FAM107B: variants seen among roughly 807,000 people sequenced by gnomAD.
FAM107B encodes family with sequence similarity 107 member B, also known as protein FAM107B.
In FAM107B, 21 loss-of-function variants were observed where a neutral mutation model predicts 31.5. The observed-to-expected ratio is 0.67, with a 90% CI of 0.47 to 0.96. FAM107B has a LOEUF of 0.96. Among genes scored for constraint, FAM107B ranks in the 40% least tolerant of loss-of-function variants. The probability of loss-of-function intolerance (pLI) is 0.00; values close to 1 mark genes in which losing one functional copy is unlikely to be tolerated. For missense variants in FAM107B, 452 were observed against 377.1 expected (o/e 1.20, Z -1.64); for synonymous variants, 157 against 141.5 (o/e 1.11, Z -0.78).
intron 2 of FAM107B, among the ~76,000 whole-genome samples, chr10:14,626,801 T>C (rs1318568532): frequency 1.3e-5 from 2 of 152,184 alleles, no homozygotes; most frequent in Non-Finnish European, 2.9e-5. Flanking sequence ...GCTTGGTTCC[T>C]TTAAGAGACT....
At chr10:14,720,444 G>C (rs1855884399) in intron 1 of FAM107B, among the ~76,000 whole-genome samples, 1 of 152,154 alleles carries the variant, frequency 6.6e-6, no homozygotes, top group African/African-American at 2.4e-5. Context: ...AGTAGAGACA[G>C]GGTTTTACCA....
chr10:14,713,986 T>A (rs1855721523), intron 1 of FAM107B, among the ~76,000 whole-genome samples: 1 of 151,956 alleles, frequency 6.6e-6, no homozygotes, highest in Non-Finnish European at 1.5e-5. Flanking sequence ...ACTGAGTACA[T>A]ATGGACACAG....
At chr10:14,673,579 A>C (rs1854609693) in intron 1 of FAM107B, among the ~76,000 whole-genome samples, 1 of 152,156 alleles carries the variant, frequency 6.6e-6, no homozygotes, top group Admixed American at 6.5e-5. Context: ...GCTATTGTGA[A>C]TAGTGCTGCA....
chr10:14,741,468 G>A (rs1220589569), intron 1 of FAM107B, among the ~76,000 whole-genome samples: 3 of 152,136 alleles, frequency 2.0e-5, no homozygotes, highest in African/African-American at 7.2e-5. Context: ...AGAAGTCTTT[G>A]AGGGAAAGCA....
intron 2 of FAM107B, among the ~76,000 whole-genome samples, chr10:14,650,532 C>T (rs1383284013): frequency 1.3e-5 from 2 of 152,150 alleles, no homozygotes; most frequent in South Asian, 2.1e-4. Flanking sequence ...GTAATCCTCC[C>T]ACCCTGGCCT....
At chr10:14,604,636 C>T (rs952855124) in intron 2 of FAM107B, among the ~76,000 whole-genome samples, 1 of 151,840 alleles carries the variant, frequency 6.6e-6, no homozygotes, top group Non-Finnish European at 1.5e-5. Context: ...GGAGGGAAAG[C>T]GCGGCGGCCC....
rs186436540 is a variant in FAM107B at position 14,577,797 on chromosome 10, T to G, written c.470-47282A>C. On this transcript the variant is annotated intron_variant, in intron 2 of 4. Coordinates refer to ENST00000181796, the MANE Select transcript of FAM107B (RefSeq NM_031453.4). ...TTAACCCCCAATGTGAACAAAAGTA[T>G]TTACTTATAATCTAGTTTTCTGTGC... 2.7e-3 allele frequency among the ~76,000 whole-genome samples: 409 copies of G among 152,324 alleles called. 4 individuals are homozygous for G. The highest frequency in any genetic ancestry group is 9.6e-3 in the African/African-American group (399 of 41,586).
At chr10:14,760,216 T>C (rs1194266702) in intron 1 of FAM107B, among the ~76,000 whole-genome samples, 1 of 152,216 alleles carries the variant, frequency 6.6e-6, no homozygotes, top group African/African-American at 2.4e-5. Context: ...AAGTGAACTC[T>C]GCTAGAGGGA....
At position 14,541,621 on chromosome 10, in the gene FAM107B, G is replaced by A. The variant is rs141576732; in HGVS notation, c.470-11106C>T. ...ACTGCTGTGGAAGACTCCACTGGAC[G>A]CCCCTTGCCTCAGGCACTTCCCCGC... On this transcript the variant is annotated intron_variant, in intron 2 of 4. Coordinates refer to ENST00000181796, the MANE Select transcript of FAM107B (RefSeq NM_031453.4). Among the ~76,000 whole-genome samples the A allele has an allele frequency of 5.2e-3, 790 of 152,274 alleles. 6 individuals carry two copies. Among genetic ancestry groups the A allele is most frequent in the Non-Finnish European group, 9.5e-3 (644 of 68,028 alleles).
At chr10:14,654,810 T>C (rs555413089) in intron 2 of FAM107B, among the ~76,000 whole-genome samples, 5 of 152,314 alleles carry the variant, frequency 3.3e-5, no homozygotes, top group African/African-American at 1.2e-4. Context: ...TTACTAATCA[T>C]TAAAATCATT....
At chr10:14,624,873 G>C (rs1198353857) in intron 2 of FAM107B, among the ~76,000 whole-genome samples, 2 of 152,160 alleles carry the variant, frequency 1.3e-5, no homozygotes, top group Non-Finnish European at 2.9e-5. Context: ...AGATATTCAA[G>C]GGTAAGAACT....
intron 2 of FAM107B, among the ~76,000 whole-genome samples, chr10:14,567,054 G>A (rs1294332576): frequency 6.6e-6 from 1 of 152,240 alleles, no homozygotes; most frequent in Non-Finnish European, 1.5e-5. Flanking sequence ...TTTGGAGGCT[G>A]AGGCAGGAGA....
chr10:14,655,147 G>C (rs1206632320), intron 2 of FAM107B, among the ~76,000 whole-genome samples: 1 of 152,150 alleles, frequency 6.6e-6, no homozygotes, highest in Non-Finnish European at 1.5e-5. Flanking sequence ...TTAACCGTCA[G>C]ATCTCATGGG....
intron 1 of FAM107B, among the ~76,000 whole-genome samples, chr10:14,741,600 T>G (rs909155176): frequency 6.6e-6 from 1 of 152,108 alleles, no homozygotes; most frequent in Non-Finnish European, 1.5e-5. Context: ...AATACCTTTC[T>G]TGAAAACCCA....
At chr10:14,740,045 G>A (rs1354967715) in intron 1 of FAM107B, among the ~76,000 whole-genome samples, 1 of 152,218 alleles carries the variant, frequency 6.6e-6, no homozygotes, top group East Asian at 1.9e-4. Context: ...CAGCTACTTT[G>A]AAAGACAGTG....
At chr10:14,752,599 GAAAGA>G (rs1487601531) in intron 1 of FAM107B, among the ~76,000 whole-genome samples, 1 of 152,130 alleles carries the variant, frequency 6.6e-6, no homozygotes, top group Non-Finnish European at 1.5e-5. Context: ...CTCTGTGTGG[GAAAGA>G]ATCTGTTGGC....
intron 1 of FAM107B, among the ~76,000 whole-genome samples, chr10:14,738,056 G>A (rs1458779637): frequency 2.6e-5 from 4 of 151,998 alleles, no homozygotes; most frequent in African/African-American, 9.7e-5. Flanking sequence ...TTACACACAC[G>A]GTCTCATTGG....
At chr10:14,586,361 G>A (rs1851836605) in intron 2 of FAM107B, among the ~76,000 whole-genome samples, 1 of 152,054 alleles carries the variant, frequency 6.6e-6, no homozygotes, top group Non-Finnish European at 1.5e-5. Flanking sequence ...AATCCTGCCT[G>A]CCCATAGACT....
Position 14,601,610 on chromosome 10 carries a change from T to C in FAM107B, c.469+66024A>G, listed in dbSNP as rs564870458. Among the ~76,000 whole-genome samples, 19 of 152,140 alleles carry C rather than the reference T, an allele frequency of 1.2e-4. No individual in the cohort carries two copies. The South Asian group carries it at 2.5e-3, about 20-fold the overall frequency. ...GTGCCCCACAGCACACTAGCACCCA[T>C]AGTCACCTTCTCTAGGCTGAAAGAA... On this transcript the variant is annotated intron_variant, in intron 2 of 4. Coordinates refer to ENST00000181796, the MANE Select transcript of FAM107B (RefSeq NM_031453.4).
Sources: allele counts gnomAD v4.1 joint callset (sites outside exome capture counted in the v4.1 genomes callset), GRCh38; gene constraint gnomAD v4.1.1; transcripts MANE v1.5; gene names NCBI Gene and HGNC (gene_info 2026-07-23, HGNC 2026-07-21).